The following KAZN variants were observed in gnomAD, a reference collection of about 807,000 sequenced individuals.
The protein encoded by KAZN is kazrin, periplakin interacting protein, also known as kazrin.
A neutral mutation model predicts 87.4 loss-of-function variants in KAZN; 40 were observed. The ratio of observed to expected loss-of-function variants is 0.46; its 90% CI spans 0.36 to 0.60. The LOEUF is 0.60. Ranked by LOEUF, KAZN falls within the 20% of genes least tolerant of loss-of-function variation. The pLI, the probability that KAZN is intolerant of heterozygous loss-of-function variation, is 0.00. For synonymous variants in KAZN, 466 were observed against 458.3 expected, an observed-to-expected ratio of 1.02 and a Z score of -0.22; for missense variants, 898 against 1,073.9, an observed-to-expected ratio of 0.84 and a Z score of 2.29.
chr1:14,937,021 A>G (rs1188746874), intron 1 of KAZN, among the ~76,000 whole-genome samples: 2 of 151,974 alleles, frequency 1.3e-5, no homozygotes, highest in Non-Finnish European at 2.9e-5. Context: ...CTAAGTCCAC[A>G]TCCCTCCCCA....
intron 2 of KAZN, among the ~76,000 whole-genome samples, chr1:14,531,016 C>T (rs1046753034): frequency 2.6e-5 from 4 of 152,112 alleles, no homozygotes; most frequent in African/African-American, 7.2e-5. Context: ...TAGGCTGCAC[C>T]GAGCTGTGAT....
chr1:14,872,816 A>G (rs1652289680), intron 1 of KAZN, among the ~76,000 whole-genome samples: 1 of 152,008 alleles, frequency 6.6e-6, no homozygotes, highest in Admixed American at 6.6e-5. Flanking sequence ...GTACAGATGG[A>G]TGGGTGGAAG....
intron 3 of KAZN, among the ~76,000 whole-genome samples, chr1:15,043,620 G>A (rs949059145): frequency 2.0e-5 from 3 of 150,638 alleles, no homozygotes; most frequent in Admixed American, 2.0e-4. Context: ...CATGTCATGG[G>A]GCCTCCCCAC....
At chr1:14,776,951 AAAAAG>A (rs1645191729) in intron 1 of KAZN, among the ~76,000 whole-genome samples, 1 of 151,300 alleles carries the variant, frequency 6.6e-6, no homozygotes, top group Non-Finnish European at 1.5e-5. Flanking sequence ...AAAAAAAAAA[AAAAAG>A]AGACGTCTTT....
chr1:14,715,551 G>T (rs563825048), intron 1 of KAZN, among the ~76,000 whole-genome samples: 1 of 152,164 alleles, frequency 6.6e-6, no homozygotes, highest in Admixed American at 6.5e-5. Flanking sequence ...AACAGGCTGC[G>T]TGTGTAGCTT....
chr1:14,659,074 C>T (rs1638988203), intron 1 of KAZN, among the ~76,000 whole-genome samples: 1 of 152,052 alleles, frequency 6.6e-6, no homozygotes, highest in African/African-American at 2.4e-5. Context: ...CCCATCTCTA[C>T]TGAAAATACA....
intron 1 of KAZN, among the ~76,000 whole-genome samples, chr1:14,741,837 A>T (rs1644108258): frequency 6.6e-6 from 1 of 152,190 alleles, no homozygotes; most frequent in African/African-American, 2.4e-5. Context: ...GTTTTATGAG[A>T]AACTGATGAG....
intron 2 of KAZN, among the ~76,000 whole-genome samples, chr1:14,440,061 G>A (rs367881122): frequency 6.6e-6 from 1 of 151,916 alleles, no homozygotes; most frequent in Non-Finnish European, 1.5e-5. Flanking sequence ...CTACTTATTC[G>A]TTAGGTCTGT....
chr1:13,970,234 T>G (rs762522148), intron 1 of KAZN, among the ~76,000 whole-genome samples: 2 of 152,222 alleles, frequency 1.3e-5, no homozygotes, highest in African/African-American at 2.4e-5. Context: ...GAAAGTGATA[T>G]CTGTCAGTGA....
chr1:14,728,803 A>T (rs1460848877), intron 1 of KAZN, among the ~76,000 whole-genome samples: 1 of 152,140 alleles, frequency 6.6e-6, no homozygotes, highest in African/African-American at 2.4e-5. Context: ...AGGCCTCCAG[A>T]CCACAGTGTC....
At chr1:14,207,667 G>A (rs1038275843) in intron 2 of KAZN, among the ~76,000 whole-genome samples, 4 of 152,132 alleles carry the variant, frequency 2.6e-5, no homozygotes, top group Admixed American at 2.6e-4. Context: ...TTTGGGGGCT[G>A]GGTGAGCGCC....
chr1:14,150,024 T>C (rs183776014), intron 1 of KAZN, among the ~76,000 whole-genome samples: 2 of 152,340 alleles, frequency 1.3e-5, no homozygotes, highest in Admixed American at 6.5e-5. Flanking sequence ...CAGGGAATTT[T>C]ATATTTTCCC....
chr1:14,532,844 C>A (rs1301341179), intron 2 of KAZN, among the ~76,000 whole-genome samples: 1 of 151,804 alleles, frequency 6.6e-6, no homozygotes, highest in African/African-American at 2.4e-5. Context: ...TGTATATGTG[C>A]CACATTTTCT....
chr1:14,695,510 CTTTTTT>C (rs112667110), intron 1 of KAZN, among the ~76,000 whole-genome samples: 4 of 85,048 alleles, frequency 4.7e-5, no homozygotes, highest in African/African-American at 1.5e-4. Context: ...TACATTCCAT[CTTTTTT>C]TTTTTTTTTG....
intron 2 of KAZN, among the ~76,000 whole-genome samples, chr1:14,364,788 C>G (rs957238121): frequency 6.6e-5 from 10 of 152,216 alleles, no homozygotes; most frequent in Non-Finnish European, 1.0e-4. Flanking sequence ...TGTTCCTTGT[C>G]TCTTTCAGCT....
At position 14,932,269 on chromosome 1, in the gene KAZN, C is replaced by T. The variant is rs552069883; in HGVS notation, c.227-28415C>T. ...ACCCTCCCCGCCCCGTCCCCTGCCC[C>T]GGGTCCCTTTCATTGTCGGGCGTGA... On this transcript the variant is annotated intron_variant, in intron 1 of 14. Transcript: ENST00000376030. Among the ~76,000 whole-genome samples, 6 of 152,304 alleles carry T rather than the reference C, an allele frequency of 3.9e-5. No individual in the cohort carries two copies. The South Asian group carries it at 1.0e-3, about 26-fold the overall frequency.
At chr1:14,460,091 G>A (rs1051405044) in intron 2 of KAZN, among the ~76,000 whole-genome samples, 13 of 152,200 alleles carry the variant, frequency 8.5e-5, no homozygotes, top group African/African-American at 3.1e-4. Context: ...GATCCTGGAA[G>A]GTGTTTGGAT....
At chr1:14,140,714 TC>T (rs1645216861) in intron 1 of KAZN, among the ~76,000 whole-genome samples, 1 of 150,610 alleles carries the variant, frequency 6.6e-6, no homozygotes, top group South Asian at 2.1e-4. Flanking sequence ...CACCCCTGCC[TC>T]CCCCACGAAC....
chr1:15,100,132 C>T (rs975478736), intron 10 of KAZN, among the ~76,000 whole-genome samples: 10 of 152,162 alleles, frequency 6.6e-5, no homozygotes, highest in African/African-American at 2.4e-4. Flanking sequence ...TGGGAGCCCT[C>T]CCTCACGGGT....
Sources: gnomAD v4.1 joint callset for allele counts (sites outside exome capture counted in the v4.1 genomes callset) on GRCh38, gnomAD v4.1.1 for gene constraint, MANE v1.5 for transcripts, NCBI Gene and HGNC (gene_info 2026-07-23, HGNC 2026-07-21) for gene names.